RGS6: variants seen among roughly 807,000 people sequenced by gnomAD.
RGS6 encodes regulator of G protein signaling 6.
In RGS6, 30 loss-of-function variants were observed where a neutral mutation model predicts 78.5. That is an observed-to-expected ratio of 0.38 (90% CI 0.29 to 0.52). The LOEUF is 0.52. RGS6 is among the 20% of genes least tolerant of loss of function. RGS6 has a pLI of 0.85. For missense variants in RGS6, 495 were observed against 609.7 expected, an observed-to-expected ratio of 0.81 and a Z score of 1.98; for synonymous variants, 206 against 206.0, an observed-to-expected ratio of 1.00 and a Z score of 0.00.
At chr14:72,557,153 G>A (rs566837556) in intron 17 of RGS6, among the ~76,000 whole-genome samples, 5 of 152,266 alleles carry the variant, frequency 3.3e-5, no homozygotes, top group Admixed American at 6.5e-5. Context: ...TCCATAGCCC[G>A]GTTTTTCCAT....
chr14:72,257,831 C>T (rs1270569957), intron 2 of RGS6, among the ~76,000 whole-genome samples: 1 of 152,100 alleles, frequency 6.6e-6, no homozygotes, highest in East Asian at 1.9e-4. Flanking sequence ...GTCATGAGGC[C>T]ACAGAGCACT....
the RGS6 span, among the ~76,000 whole-genome samples, chr14:71,897,504 A>C: frequency 6.6e-6 from 1 of 151,818 alleles, no homozygotes; most frequent in East Asian, 1.9e-4. Flanking sequence ...TGTTAGATTT[A>C]TTTTTTATTT....
chr14:72,493,679 G>A (rs932255183), intron 12 of RGS6, among the ~76,000 whole-genome samples: 1 of 152,020 alleles, frequency 6.6e-6, no homozygotes, highest in African/African-American at 2.4e-5. Flanking sequence ...ATAAAGAGAT[G>A]ATTCTAAGTT....
At chr14:71,896,340 A>G in the RGS6 span, among the ~76,000 whole-genome samples, 86,560 of 151,940 alleles carry the variant, frequency 0.57, 26,457 homozygotes, top group Non-Finnish European at 0.68. Context: ...GGGGTGGATT[A>G]TTCATGCCTC....
chr14:71,868,878 C>T, the RGS6 span, among the ~76,000 whole-genome samples: 1 of 152,118 alleles, frequency 6.6e-6, no homozygotes, highest in Non-Finnish European at 1.5e-5. Flanking sequence ...TAGCACAGCC[C>T]CAAAGTGTGG....
At chr14:72,185,260 T>C (rs1364432007) in intron 2 of RGS6, among the ~76,000 whole-genome samples, 1 of 152,084 alleles carries the variant, frequency 6.6e-6, no homozygotes, top group African/African-American at 2.4e-5. Flanking sequence ...CCCAGTCCAC[T>C]GACTCAAATG....
intron 1 of RGS6, among the ~76,000 whole-genome samples, chr14:71,952,885 C>T (rs2092457110): frequency 6.6e-6 from 1 of 151,990 alleles, no homozygotes. Flanking sequence ...AAGAAAAAGC[C>T]AATAGGAGTG....
At chr14:72,494,824 A>G (rs528916183) in intron 12 of RGS6, among the ~76,000 whole-genome samples, 8 of 152,274 alleles carry the variant, frequency 5.3e-5, no homozygotes, top group Admixed American at 1.3e-4. Context: ...GGTGGAACAC[A>G]AACAGTTTTG....
the RGS6 span, among the ~76,000 whole-genome samples, chr14:72,617,122 G>A: frequency 6.6e-6 from 1 of 152,176 alleles, no homozygotes; most frequent in Non-Finnish European, 1.5e-5. Context: ...AGCAGACATG[G>A]GGCTGAGATC....
At chr14:72,480,781 A>G (rs1475315576) in intron 12 of RGS6, among the ~76,000 whole-genome samples, 3 of 152,068 alleles carry the variant, frequency 2.0e-5, no homozygotes, top group Admixed American at 2.0e-4. Context: ...CCACATCCCC[A>G]TCCTGATCTG....
chr14:72,012,124 T>C (rs1003328542), intron 2 of RGS6, among the ~76,000 whole-genome samples: 1 of 152,206 alleles, frequency 6.6e-6, no homozygotes, highest in Non-Finnish European at 1.5e-5. Flanking sequence ...GTCTTTGATA[T>C]TATTTTGGAT....
At chr14:72,032,677 A>G (rs2091087896) in intron 2 of RGS6, among the ~76,000 whole-genome samples, 1 of 151,794 alleles carries the variant, frequency 6.6e-6, no homozygotes, top group Non-Finnish European at 1.5e-5. Flanking sequence ...CTACTTAAGT[A>G]TACCTCATAT....
intron 3 of RGS6, among the ~76,000 whole-genome samples, chr14:72,392,710 G>T (rs568832384): frequency 6.6e-6 from 1 of 152,216 alleles, no homozygotes; most frequent in East Asian, 1.9e-4. Flanking sequence ...TCTGGGGGAG[G>T]GGGAGCCTCT....
At chr14:72,411,000 C>T (rs201278285) in intron 3 of RGS6, among the ~76,000 whole-genome samples, 128 of 152,198 alleles carry the variant, frequency 8.4e-4, no homozygotes, top group African/African-American at 2.0e-3. Context: ...AGTCAGGTAG[C>T]GTGATGCCTC....
chr14:72,472,901 G>A lies in RGS6; in HGVS notation c.566G>A (p.Arg189Lys). The change falls in exon 9 of 18, where the codon AGG becomes AAG. Residue 189 changes from arginine to lysine, a missense_variant. Transcript: ENST00000553525. ...KIDRKKDKTE[R>K]KILDSQERAF... ...GACCGGAAAAAAGACAAGACAGAAA[G>A]GAAAATTTTGGATAGTCAAGAACGA... is the stretch of plus-strand genomic sequence containing the variant. 1.2e-6 allele frequency: 2 copies of A among 1,613,312 alleles called. No homozygotes were observed. The highest frequency in any genetic ancestry group is 2.2e-5 in the South Asian group (2 of 91,016).
At chr14:72,504,468 A>G (rs1679324388) in intron 13 of RGS6, among the ~76,000 whole-genome samples, 1 of 152,196 alleles carries the variant, frequency 6.6e-6, no homozygotes, top group South Asian at 2.1e-4. Context: ...ATTCAGCCAA[A>G]TTCTTTGCCA....
intron 3 of RGS6, among the ~76,000 whole-genome samples, chr14:72,372,831 T>C (rs74060772): frequency 1.3e-5 from 2 of 152,350 alleles, no homozygotes; most frequent in African/African-American, 4.8e-5. Flanking sequence ...TCCTTGCTTC[T>C]GCTGCCAGAG....
intron 1 of RGS6, among the ~76,000 whole-genome samples, chr14:71,936,585 C>T (rs1217888246): frequency 6.7e-6 from 1 of 149,400 alleles, no homozygotes; most frequent in Non-Finnish European, 1.5e-5. Context: ...CAAATAAAGA[C>T]AATAATGAGG....
chr14:72,230,415 G>A (rs780199660), intron 2 of RGS6, among the ~76,000 whole-genome samples: 10 of 152,172 alleles, frequency 6.6e-5, no homozygotes, highest in Non-Finnish European at 1.2e-4. Flanking sequence ...AGACAGGAAG[G>A]CAGGGTGGGG....
Sources: gnomAD v4.1 joint callset for allele counts (sites outside exome capture counted in the v4.1 genomes callset) on GRCh38, gnomAD v4.1.1 for gene constraint, MANE v1.5 for transcripts, NCBI Gene and HGNC (gene_info 2026-07-23, HGNC 2026-07-21) for gene names.